Variants in PTK7 observed in about 807,000 individuals in gnomAD.
PTK7 encodes the protein inactive tyrosine-protein kinase 7.
Under a neutral mutation model 116.6 loss-of-function variants are expected in PTK7, and 39 were observed. The observed-to-expected ratio is 0.33, with a 90% CI of 0.26 to 0.44. The LOEUF (loss-of-function observed/expected upper bound fraction) is 0.44, where lower values mean the gene tolerates loss of function less well. PTK7 is among the 20% of genes least tolerant of loss of function. PTK7 has a pLI of 1.00. For missense variants in PTK7, 1,169 were observed against 1,425.6 expected (o/e 0.82, Z 2.90); for synonymous variants, 546 against 563.6 (o/e 0.97, Z 0.44).
chr6:43,157,376 C>G (rs12214963), intron 17 of PTK7, among the ~76,000 whole-genome samples: 29 of 21,874 alleles, frequency 1.3e-3, no homozygotes, highest in East Asian at 0.01. Flanking sequence ...TTTTTTTTTT[C>G]TTTTTTTTTT....
rs1049944128 is a variant in PTK7 at position 43,096,606 on chromosome 6, C to T, written c.79+20039C>T. 3.3e-5 allele frequency among the ~76,000 whole-genome samples: 5 copies of T among 152,210 alleles called. No individual in the cohort carries two copies. The East Asian group carries it at 9.6e-4, about 29-fold the overall frequency. Reference sequence around the variant, plus strand: ...AAAGAGGTGGAGATGTGAAGGTCTGCACCTGGTCGCTGGGGTGGTAGGTGG... The same window carrying T: ...AAAGAGGTGGAGATGTGAAGGTCTGTACCTGGTCGCTGGGGTGGTAGGTGG... On this transcript the variant is annotated intron_variant, in intron 1 of 19. Transcript: ENST00000230419.
chr6:43,136,722 C>G (rs147627722), intron 7 of PTK7, among the ~76,000 whole-genome samples: 255 of 152,260 alleles, frequency 1.7e-3, no homozygotes, highest in African/African-American at 5.5e-3. Flanking sequence ...TACACCATGA[C>G]CCAGTTCAGT....
intron 1 of PTK7, among the ~76,000 whole-genome samples, chr6:43,126,259 G>T (rs567602441): frequency 1.3e-5 from 2 of 152,274 alleles, no homozygotes; most frequent in South Asian, 2.1e-4. Context: ...GGTGGAGGTT[G>T]CAGTGAGCCA....
intron 1 of PTK7, among the ~76,000 whole-genome samples, chr6:43,109,732 T>C (rs1200772998): frequency 3.3e-5 from 5 of 151,216 alleles, no homozygotes; most frequent in South Asian, 2.1e-4. Context: ...AGAGTCTTGC[T>C]CTGTCACCCA....
chr6:43,161,179 T>C lies in PTK7; in HGVS notation c.*298T>C, dbSNP rs766181904. On this transcript the variant is annotated 3_prime_UTR_variant, in exon 20 of 20. Transcript: ENST00000230419. ...CACAGGTAACCCCAATTTCTGGCCT[T>C]CAACTTCTCCCCTTGACCGGGTCCA... is the stretch of plus-strand genomic sequence containing the variant. 5.2e-5 allele frequency: 17 copies of C among 329,248 alleles called. No individual in the cohort carries two copies. Among genetic ancestry groups the C allele is most frequent in the Non-Finnish European group, 9.0e-5 (16 of 178,116 alleles). 20.4% of individuals were successfully genotyped at this position (329,248 alleles called of 1,614,324 possible).
chr6:43,080,505 G>A (rs1766317975), intron 1 of PTK7, among the ~76,000 whole-genome samples: 1 of 152,102 alleles, frequency 6.6e-6, no homozygotes, highest in Non-Finnish European at 1.5e-5. Context: ...CCTCTGTTGA[G>A]GGATGTGGAG....
At chr6:43,116,073 T>C (rs1768498176) in intron 1 of PTK7, among the ~76,000 whole-genome samples, 1 of 152,082 alleles carries the variant, frequency 6.6e-6, no homozygotes, top group African/African-American at 2.4e-5. Context: ...TCCCTCAGTC[T>C]GGAGCCTTCT....
At chr6:43,090,147 G>A (rs1365996986) in intron 1 of PTK7, among the ~76,000 whole-genome samples, 3 of 152,222 alleles carry the variant, frequency 2.0e-5, no homozygotes, top group Admixed American at 6.5e-5. Context: ...CACAGCTGCC[G>A]CTGGTGACCC....
At chr6:43,157,362 A>ATTT (rs1561990570) in intron 17 of PTK7, among the ~76,000 whole-genome samples, 3 of 34,250 alleles carry the variant, frequency 8.8e-5, no homozygotes, top group Non-Finnish European at 1.4e-4. Context: ...ATATATATAT[A>ATTT]TATTTTTTTT....
intron 1 of PTK7, among the ~76,000 whole-genome samples, chr6:43,096,256 A>G (rs185093502): frequency 7.4e-4 from 112 of 152,304 alleles, no homozygotes; most frequent in Non-Finnish European, 1.2e-3. Context: ...AATTAGTTAA[A>G]AGTTGCTCTC....
intron 17 of PTK7, among the ~76,000 whole-genome samples, chr6:43,153,848 C>G (rs1425121704): frequency 6.6e-6 from 1 of 151,806 alleles, no homozygotes; most frequent in Non-Finnish European, 1.5e-5. Flanking sequence ...CCAGCCTAGG[C>G]AACAAAGTGA....
intron 1 of PTK7, among the ~76,000 whole-genome samples, chr6:43,118,547 A>G (rs1344560585): frequency 6.6e-6 from 1 of 150,980 alleles, no homozygotes; most frequent in Non-Finnish European, 1.5e-5. Flanking sequence ...AAATAAATAA[A>G]TAAATAAATT....
Position 43,145,466 on chromosome 6 carries a change from G to A in PTK7, c.2640+34G>A, listed in dbSNP as rs768232394. On this transcript the variant is annotated intron_variant, in intron 16 of 19. Coordinates refer to ENST00000230419, the MANE Select transcript of PTK7 (RefSeq NM_002821.5). This position sits in a 1 kb window ranked among gnomAD's most constrained non-coding sequence, Gnocchi z 4.8. Reference sequence around the variant, plus strand: ...TTGGCAGGGGACGTGGGGGTCTCGGGTAGGGAGGGCAGTGTCCTACAAAGG... The same window carrying A: ...TTGGCAGGGGACGTGGGGGTCTCGGATAGGGAGGGCAGTGTCCTACAAAGG... The A allele has an allele frequency of 9.4e-6, 14 of 1,492,284 alleles. No homozygotes were observed. Among genetic ancestry groups the A allele is most frequent in the South Asian group, 1.3e-5 (1 of 75,316 alleles). 92.4% of individuals were successfully genotyped at this position (1,492,284 alleles called of 1,614,324 possible). A position where few individuals can be genotyped will look rare whatever the true frequency, so the allele number is the denominator to read the frequency against.
chr6:43,081,928 G>C (rs1766403963), intron 1 of PTK7, among the ~76,000 whole-genome samples: 1 of 152,122 alleles, frequency 6.6e-6, no homozygotes, highest in Admixed American at 6.5e-5. Context: ...TCCTGGGCTG[G>C]CTGGTTTTGG....
At chr6:43,085,951 A>C (rs949222196) in intron 1 of PTK7, among the ~76,000 whole-genome samples, 2 of 149,632 alleles carry the variant, frequency 1.3e-5, no homozygotes, top group East Asian at 3.9e-4. Flanking sequence ...AAAAAAAAAA[A>C]AAACATGGCT....
chr6:43,093,900 A>G lies in PTK7; in HGVS notation c.79+17333A>G, dbSNP rs75718961. Among the ~76,000 whole-genome samples, 360 of 152,302 alleles carry G rather than the reference A, an allele frequency of 2.4e-3. 4 individuals carry two copies. Among genetic ancestry groups the G allele is most frequent in the African/African-American group, 8.4e-3 (348 of 41,564 alleles). ...TTCCTGGACCCAAATACCCCCTAAA[A>G]GTTTCCCACTGGCCACTTCATGCAA... On this transcript the variant is annotated intron_variant, in intron 1 of 19. Transcript: ENST00000230419.
rs1769443311 is a variant in PTK7 at position 43,128,629 on chromosome 6, A to G, written c.80-348A>G. On this transcript the variant is annotated intron_variant, in intron 1 of 19. Transcript: ENST00000230419. ...GCGAAACCCTGTCTCTACTAAAAATACAAAAATTAGCTGGGTGTGGTGGCT... is the reference window on the plus strand; with the variant it reads ...GCGAAACCCTGTCTCTACTAAAAATGCAAAAATTAGCTGGGTGTGGTGGCT... 2.0e-5 allele frequency among the ~76,000 whole-genome samples: 3 copies of G among 152,160 alleles called. No individual in the cohort carries two copies. The South Asian group carries it at 6.2e-4, about 31-fold the overall frequency.
intron 1 of PTK7, among the ~76,000 whole-genome samples, chr6:43,116,603 TTTGTGTGTGTGTGTGTGTGTGTG>T (rs1768537606): frequency 7.9e-6 from 1 of 126,172 alleles, no homozygotes; most frequent in African/African-American, 3.2e-5. Context: ...GAAAAGCTGG[TTTGTGTGTGTGTGTGTGTGTGTG>T]TGTGTGTGTG....
In PTK7 at chr6:43,139,036, C is replaced by T; in HGVS notation, c.1362+54C>T. 1.2e-6 allele frequency: 2 copies of T among 1,606,256 alleles called. No individual in the cohort carries two copies. Among genetic ancestry groups the T allele is most frequent in the South Asian group, 1.1e-5 (1 of 90,372 alleles). On this transcript the variant is annotated intron_variant, in intron 8 of 19. Transcript: ENST00000230419. This position sits in a 1 kb window ranked among gnomAD's most constrained non-coding sequence, Gnocchi z 4.6. The stretch of plus-strand genomic sequence containing the variant: ...GGGCGGGGCCTTCCCTCCACTTGCC[C>T]TCTTCTGTGCTCACCTCCATAGCAC...
Sources: gnomAD v4.1 joint callset for allele counts (sites outside exome capture counted in the v4.1 genomes callset) on GRCh38, gnomAD v4.1.1 for gene constraint, Gnocchi (gnomAD v3.1) non-coding constraint, MANE v1.5 for transcripts, NCBI Gene and HGNC (gene_info 2026-07-23, HGNC 2026-07-21) for gene names.